Variants in LGSN observed in about 807,000 individuals in gnomAD.
LGSN encodes lengsin.
In LGSN, 21 loss-of-function variants were observed where a neutral mutation model predicts 19.5. The observed-to-expected ratio is 1.07, with a 90% CI of 0.76 to 1.55. The LOEUF is 1.55. Among genes scored for constraint, LGSN ranks in the 40% most tolerant of loss-of-function variants. The pLI is 0.00. For missense variants in LGSN, 673 were observed against 608.5 expected, an observed-to-expected ratio of 1.11 and a Z score of -1.12; for synonymous variants, 257 against 215.6, an observed-to-expected ratio of 1.19 and a Z score of -1.68.
the LGSN span, among the ~76,000 whole-genome samples, chr6:63,369,426 A>G: frequency 6.6e-6 from 1 of 152,226 alleles, no homozygotes; most frequent in Non-Finnish European, 1.5e-5. Context: ...CGTTCATGTC[A>G]GGTTATTCAG....
At chr6:63,520,452 C>T in the LGSN span, among the ~76,000 whole-genome samples, 329 of 152,004 alleles carry the variant, frequency 2.2e-3, 1 homozygote, top group African/African-American at 7.5e-3. Context: ...TGTGGCAAAA[C>T]CCCATCTGTA....
chr6:63,548,497 G>C, the LGSN span, among the ~76,000 whole-genome samples: 12 of 152,130 alleles, frequency 7.9e-5, no homozygotes, highest in African/African-American at 2.9e-4. Context: ...TGTCTCCATC[G>C]TAGCAGCCTG....
the LGSN span, among the ~76,000 whole-genome samples, chr6:63,377,989 GAGAAAGGTTTT>G: frequency 2.0e-5 from 3 of 146,998 alleles, no homozygotes; most frequent in Admixed American, 6.8e-5. Context: ...TGCTGATATG[GAGAAAGGTTTT>G]AGTGGTCTAG....
chr6:63,448,719 CT>C, the LGSN span, among the ~76,000 whole-genome samples: 4 of 145,924 alleles, frequency 2.7e-5, no homozygotes, highest in South Asian at 2.2e-4. Flanking sequence ...CTTTTTTCTT[CT>C]TTTTTTTCAT....
intron 1 of LGSN, among the ~76,000 whole-genome samples, chr6:63,312,406 A>G (rs1432975110): frequency 6.6e-6 from 1 of 152,178 alleles, no homozygotes; most frequent in Non-Finnish European, 1.5e-5. Flanking sequence ...ATCCTTATTA[A>G]ACTTTCTGTC....
intron 1 of LGSN, among the ~76,000 whole-genome samples, chr6:63,310,511 T>C (rs1768582541): frequency 6.6e-6 from 1 of 152,026 alleles, no homozygotes; most frequent in South Asian, 2.1e-4. Flanking sequence ...ATATACAATA[T>C]GAAGGTATGT....
intron 1 of LGSN, among the ~76,000 whole-genome samples, chr6:63,298,773 T>A (rs1316676739): frequency 1.3e-5 from 2 of 152,178 alleles, no homozygotes; most frequent in Non-Finnish European, 2.9e-5. Flanking sequence ...CACCACACTT[T>A]AAGAACTGCA....
chr6:63,452,810 T>G, the LGSN span, among the ~76,000 whole-genome samples: 1 of 152,038 alleles, frequency 6.6e-6, no homozygotes, highest in Non-Finnish European at 1.5e-5. Flanking sequence ...CTTATTTTTA[T>G]TACTTTCTTC....
At chr6:63,377,913 CA>C in the LGSN span, among the ~76,000 whole-genome samples, 526 of 54,298 alleles carry the variant, frequency 9.7e-3, no homozygotes, top group Middle Eastern at 0.017. Context: ...GACTCCATCT[CA>C]AAAAAAAAAA....
At chr6:63,327,536 C>A in the LGSN span, among the ~76,000 whole-genome samples, 1 of 152,076 alleles carries the variant, frequency 6.6e-6, no homozygotes, top group African/African-American at 2.4e-5. Context: ...AGGTCTAGGC[C>A]TCGGCAGTAT....
the LGSN span, among the ~76,000 whole-genome samples, chr6:63,414,752 A>G: frequency 9.9e-5 from 15 of 152,130 alleles, no homozygotes; most frequent in African/African-American, 3.6e-4. Flanking sequence ...CCATTTCTAC[A>G]AAATATACAA....
chr6:63,405,877 C>T, the LGSN span, among the ~76,000 whole-genome samples: 63 of 152,170 alleles, frequency 4.1e-4, no homozygotes, highest in Admixed American at 3.5e-3. Context: ...GGTTGCAATC[C>T]TAGTCTCTGA....
chr6:63,340,047 T>C, the LGSN span, among the ~76,000 whole-genome samples: 5 of 152,162 alleles, frequency 3.3e-5, no homozygotes, highest in Non-Finnish European at 7.4e-5. Flanking sequence ...GTATTCTTCT[T>C]AACTAGCAGG....
chr6:63,328,400 C>T, the LGSN span, among the ~76,000 whole-genome samples: 1 of 152,212 alleles, frequency 6.6e-6, no homozygotes, highest in Non-Finnish European at 1.5e-5. Context: ...AAGCACTGGT[C>T]CCTCAAGGAG....
chr6:63,284,188 T>C (rs1405299672), intron 3 of LGSN, among the ~76,000 whole-genome samples: 1 of 152,090 alleles, frequency 6.6e-6, no homozygotes, highest in Non-Finnish European at 1.5e-5. Context: ...AAAATAATAA[T>C]AACTAGGTAA....
the LGSN span, among the ~76,000 whole-genome samples, chr6:63,444,223 A>G: frequency 2.0e-5 from 3 of 149,400 alleles, no homozygotes; most frequent in African/African-American, 7.6e-5. Context: ...CTCTTTTTCA[A>G]AAAAAAAATA....
chr6:63,567,540 T>C, the LGSN span, among the ~76,000 whole-genome samples: 2 of 152,228 alleles, frequency 1.3e-5, no homozygotes, highest in Admixed American at 6.5e-5. Context: ...TAAACAGATG[T>C]GCTGTCAACC....
chr6:63,460,861 T>C, the LGSN span, among the ~76,000 whole-genome samples: 2 of 152,162 alleles, frequency 1.3e-5, no homozygotes, highest in African/African-American at 2.4e-5. Context: ...CCTGTTGCCC[T>C]TGACACCCAA....
At chr6:63,418,924 A>G in the LGSN span, among the ~76,000 whole-genome samples, 1 of 149,950 alleles carries the variant, frequency 6.7e-6, no homozygotes, top group East Asian at 1.9e-4. Context: ...TCTTCACAGC[A>G]TGAGGGGAAC....
Sources: gnomAD v4.1 joint callset for allele counts (sites outside exome capture counted in the v4.1 genomes callset) on GRCh38, gnomAD v4.1.1 for gene constraint, MANE v1.5 for transcripts, NCBI Gene and HGNC (gene_info 2026-07-23, HGNC 2026-07-21) for gene names.